Variants in CFAP92 observed in about 807,000 individuals in gnomAD.
CFAP92 encodes uncharacterized protein CFAP92.
CFAP92 carries 86 observed loss-of-function variants against 106.3 expected under a neutral mutation model. The observed-to-expected ratio is 0.81, with a 90% confidence interval of 0.68 to 0.97. The LOEUF is 0.97. Among genes scored for constraint, CFAP92 ranks in the 50% least tolerant of loss-of-function variants. CFAP92 has a pLI of 0.00. For synonymous variants in CFAP92, 477 were observed against 506.4 expected (o/e 0.94, Z 0.78); for missense variants, 1,204 against 1,283.8 (o/e 0.94, Z 0.95).
At chr3:128,920,063 T>C (rs975245519) in intron 12 of CFAP92, among the ~76,000 whole-genome samples, 14 of 152,000 alleles carry the variant, frequency 9.2e-5, no homozygotes, top group Non-Finnish European at 7.4e-5. Context: ...AAAAAGACAA[T>C]AGAAACAGAC....
At chr3:129,001,958 C>A (rs897554213) in intron 1 of CFAP92, 1 of 1,543,976 alleles carries the variant, frequency 6.5e-7, no homozygotes, top group Non-Finnish European at 8.7e-7. Context: ...ATGTGACCCC[C>A]GGGGATGCGG....
At position 128,945,390 on chromosome 3, in the gene CFAP92, T is replaced by C. The variant is rs1326137214; in HGVS notation, c.1939A>G (p.Arg647Gly). 2 of 1,536,014 alleles carry C rather than the reference T, an allele frequency of 1.3e-6. No individual in the cohort carries two copies. Among genetic ancestry groups the C allele is most frequent in the Admixed American group, 3.9e-5 (2 of 50,980 alleles). Residue 647 changes from arginine to glycine, a missense_variant, in exon 10 of 16, where the codon AGA becomes GGA. Arg to Gly is a moderately radical substitution (Grantham distance 125, BLOSUM62 -2). Transcript: ENST00000645291. ...CCCCCAAGGTCAGGATCAGCAGCTCTGGCCCCGGCCCTCAGTGGCACCGCG... is the reference window on the plus strand; with the variant it reads ...CCCCCAAGGTCAGGATCAGCAGCTCCGGCCCCGGCCCTCAGTGGCACCGCG... Reference protein sequence around the residue: ...DIAVPLRAGARAADPDLGGSQ... With the variant: ...DIAVPLRAGAGAADPDLGGSQ...
intron 12 of CFAP92, among the ~76,000 whole-genome samples, chr3:128,922,835 A>T (rs1937405063): frequency 6.6e-6 from 1 of 152,264 alleles, no homozygotes; most frequent in Non-Finnish European, 1.5e-5. Context: ...CTGAAGATCT[A>T]TCATGAGCCA....
At chr3:128,910,837 G>A (rs2107666841) in intron 15 of CFAP92, 1 of 1,613,244 alleles carries the variant, frequency 6.2e-7, no homozygotes, top group Non-Finnish European at 8.5e-7. Context: ...CTTGGGGGAG[G>A]GAAGGAAGGG....
At chr3:129,005,122 C>G (rs1945012626), upstream of CFAP92, among the ~76,000 whole-genome samples, 1 of 152,236 alleles carries the variant, frequency 6.6e-6, no homozygotes, top group African/African-American at 2.4e-5. Flanking sequence ...AGGGGCCATC[C>G]CAGGCATCAG....
At chr3:128,960,819 C>T (rs1415072137) in intron 9 of CFAP92, among the ~76,000 whole-genome samples, 2 of 152,134 alleles carry the variant, frequency 1.3e-5, no homozygotes, top group Non-Finnish European at 2.9e-5. Context: ...TTCTCCTTCA[C>T]CCTCAGCGGC....
intron 9 of CFAP92, among the ~76,000 whole-genome samples, chr3:128,947,699 G>A (rs1257246017): frequency 6.6e-6 from 1 of 152,130 alleles, no homozygotes; most frequent in Non-Finnish European, 1.5e-5. Context: ...GGCTGGGTGT[G>A]GTGGCTCACA....
chr3:128,949,493 G>T (rs572465410), intron 9 of CFAP92, among the ~76,000 whole-genome samples: 1 of 152,338 alleles, frequency 6.6e-6, no homozygotes, highest in African/African-American at 2.4e-5. Context: ...GCTGCATGAT[G>T]CTGCAAAACA....
chr3:128,990,963 T>C lies in CFAP92; in HGVS notation c.263-2045A>G, dbSNP rs545899373. Among the ~76,000 whole-genome samples the C allele has an allele frequency of 4.6e-5, 7 of 151,992 alleles. No individual in the cohort carries two copies. The South Asian group carries it at 1.5e-3, about 32-fold the overall frequency. On this transcript the variant is annotated intron_variant, in intron 2 of 15. Coordinates refer to ENST00000645291, the MANE Select transcript of CFAP92 (RefSeq NM_001394090.1). ...GTACTCATCTGTAAATACTCAGGTA[T>C]TGAAGGAAAAAAAAATTAAACTAGA...
chr3:128,935,343 G>A (rs1576437123), intron 10 of CFAP92, 24 bp from the exon 11 acceptor site: 6 of 1,460,068 alleles, frequency 4.1e-6, no homozygotes, highest in Non-Finnish European at 5.5e-6. Context: ...AAGGCCAAGA[G>A]CTAACTTGCA....
the CFAP92 span, among the ~76,000 whole-genome samples, chr3:129,024,559 A>G: frequency 1.3e-5 from 2 of 151,970 alleles, no homozygotes; most frequent in Non-Finnish European, 2.9e-5. Context: ...AAAGAAAAAG[A>G]AAAACAGAAA....
the CFAP92 span, among the ~76,000 whole-genome samples, chr3:129,020,969 C>T: frequency 6.6e-6 from 1 of 152,198 alleles, no homozygotes; most frequent in African/African-American, 2.4e-5. Context: ...GATGTAAGGC[C>T]TCATGAGAGC....
intron 4 of CFAP92, among the ~76,000 whole-genome samples, chr3:128,978,701 G>A (rs1943325183): frequency 6.6e-6 from 1 of 152,142 alleles, no homozygotes; most frequent in Non-Finnish European, 1.5e-5. Flanking sequence ...ACAAGAAATG[G>A]GGAAAGGATT....
chr3:129,022,199 A>G, the CFAP92 span, among the ~76,000 whole-genome samples: 1 of 152,264 alleles, frequency 6.6e-6, no homozygotes, highest in Non-Finnish European at 1.5e-5. Context: ...TAGAAGGACC[A>G]TGTCATTTCA....
At chr3:129,005,526 G>A (rs1255674907), upstream of CFAP92, among the ~76,000 whole-genome samples, 5 of 152,240 alleles carry the variant, frequency 3.3e-5, no homozygotes, top group Non-Finnish European at 5.9e-5. Flanking sequence ...AAGTAAGGAG[G>A]TGACAGAAGC....
At chr3:128,998,906 G>A (rs188428924), upstream of CFAP92, among the ~76,000 whole-genome samples, 1 of 152,290 alleles carries the variant, frequency 6.6e-6, no homozygotes, top group East Asian at 1.9e-4. Flanking sequence ...ACACCATGAA[G>A]ATAGAGTATT....
At chr3:128,976,346 A>G (rs144946252) in intron 6 of CFAP92, among the ~76,000 whole-genome samples, 1 of 152,354 alleles carries the variant, frequency 6.6e-6, no homozygotes, top group African/African-American at 2.4e-5. Flanking sequence ...AACTGAGTGA[A>G]AGGATATATA....
chr3:129,006,984 G>T (rs1945103735), upstream of CFAP92, among the ~76,000 whole-genome samples: 1 of 152,170 alleles, frequency 6.6e-6, no homozygotes, highest in Admixed American at 6.5e-5. Flanking sequence ...AGCTCATGGG[G>T]CCTCTAGTCT....
At chr3:129,009,452 C>T in the CFAP92 span, among the ~76,000 whole-genome samples, 1 of 152,192 alleles carries the variant, frequency 6.6e-6, no homozygotes, top group Non-Finnish European at 1.5e-5. Flanking sequence ...GACCATCTGT[C>T]ATCTGAACCA....
Sources: allele counts gnomAD v4.1 joint callset (sites outside exome capture counted in the v4.1 genomes callset), GRCh38; gene constraint gnomAD v4.1.1; transcripts MANE v1.5; gene names NCBI Gene and HGNC (gene_info 2026-07-23, HGNC 2026-07-21).